GLRB: variants seen among roughly 807,000 people sequenced by gnomAD.
GLRB encodes glycine receptor subunit beta.
In GLRB, 33 loss-of-function variants were observed where a neutral mutation model predicts 54.2. The observed-to-expected ratio is 0.61, with a 90% CI of 0.46 to 0.81. The LOEUF (loss-of-function observed/expected upper bound fraction) is 0.81, where lower values mean the gene tolerates loss of function less well. Ranked by LOEUF, GLRB falls within the 40% of genes least tolerant of loss-of-function variation. The probability of loss-of-function intolerance (pLI) is 0.00; values close to 1 mark genes in which losing one functional copy is unlikely to be tolerated. For missense variants in GLRB, 572 were observed against 584.6 expected (o/e 0.98, Z 0.22); for synonymous variants, 209 against 208.2 (o/e 1.00, Z -0.03).
intron 2 of GLRB, among the ~76,000 whole-genome samples, chr4:157,102,749 G>GAGGAACTCTGAATATTCATGAA (rs1735078399): frequency 6.6e-6 from 1 of 152,176 alleles, no homozygotes; most frequent in African/African-American, 2.4e-5. Context: ...CAGGCTGTGG[G>GAGGAACTCTGAATATTCATGAA]AGGAACTCTG....
chr4:157,128,985 T>C (rs1052098363), intron 4 of GLRB, among the ~76,000 whole-genome samples: 1 of 151,894 alleles, frequency 6.6e-6, no homozygotes, highest in African/African-American at 2.4e-5. Flanking sequence ...TTAAAGATTA[T>C]ATATGTGAGC....
intron 9 of GLRB, among the ~76,000 whole-genome samples, chr4:157,158,633 G>A (rs999478414): frequency 1.3e-5 from 2 of 152,188 alleles, no homozygotes; most frequent in African/African-American, 4.8e-5. Flanking sequence ...TCAAAGATCA[G>A]ATGGTTGTAG....
At chr4:157,138,717 CCT>C (rs774666817) in intron 6 of GLRB, 90 bp from the exon 7 acceptor site, 109 of 717,876 alleles carry the variant, frequency 1.5e-4, no homozygotes, top group Non-Finnish European at 2.2e-4. Context: ...TATTTTCTTT[CCT>C]TTGCTATGTT....
intron 2 of GLRB, among the ~76,000 whole-genome samples, chr4:157,103,070 GA>G (rs986347544): frequency 2.6e-5 from 4 of 151,118 alleles, no homozygotes; most frequent in African/African-American, 9.7e-5. Flanking sequence ...AGAATCCCTT[GA>G]ACCCGGGAGG....
rs143492050 is a variant in GLRB at position 157,147,362 on chromosome 4, T to A, written c.904+3403T>A. 2.0e-3 allele frequency among the ~76,000 whole-genome samples: 309 copies of A among 152,222 alleles called. 2 individuals are homozygous for A. The highest frequency in any genetic ancestry group is 7.2e-3 in the African/African-American group (298 of 41,554). ...ATCAATGACTTTTAGAGCTAAAGAT[T>A]ACCATTAGACTAAAGGAGCTGGGGA... On this transcript the variant is annotated intron_variant, in intron 8 of 9. Coordinates refer to ENST00000264428, the MANE Select transcript of GLRB (RefSeq NM_000824.5).
At position 157,170,907 on chromosome 4, in the gene GLRB, G is replaced by A. The variant is rs1423408599; in HGVS notation, c.*179G>A. The A allele has an allele frequency of 3.7e-6, 2 of 546,236 alleles. No homozygotes were observed. The highest frequency in any genetic ancestry group is 6.5e-6 in the Non-Finnish European group (2 of 309,458). The allele number at this position is 546,236 out of a possible 1,614,324, so 33.8% of individuals were successfully genotyped here. A position where few individuals can be genotyped will look rare whatever the true frequency, so the allele number is the denominator to read the frequency against. On this transcript the variant is annotated 3_prime_UTR_variant, in exon 10 of 10. Transcript: ENST00000264428. ...ATGGCAGCATGATCATGTAATATCT[G>A]TGCTCTAATAACGATGTATATATGT... is the stretch of plus-strand genomic sequence containing the variant.
chr4:157,119,853 T>C (rs983218374), intron 2 of GLRB, among the ~76,000 whole-genome samples: 3 of 151,652 alleles, frequency 2.0e-5, no homozygotes, highest in Non-Finnish European at 2.9e-5. Context: ...GAACTAGAAA[T>C]GCCATTTGAC....
Position 157,120,616 on chromosome 4 carries a change from C to T in GLRB, c.183C>T (p.Asn61=). The part of the protein sequence containing the change: ...VPANSTSNIL[N]RLLVSYDPRI... The stretch of plus-strand genomic sequence containing the variant: ...CCAACTCCACTAGCAATATCTTGAA[C>T]AGGTTATTGGTCAGTTATGATCCCA... The change falls in exon 3 of 10, where the codon AAC becomes AAT. Residue 61 remains asparagine (N), a synonymous_variant. Transcript: ENST00000264428. The T allele has an allele frequency of 1.3e-6, 2 of 1,599,572 alleles. No individual in the cohort carries two copies. Among genetic ancestry groups the T allele is most frequent in the Non-Finnish European group, 1.7e-6 (2 of 1,169,110 alleles).
chr4:157,129,257 A>G (rs1171208690), intron 4 of GLRB, among the ~76,000 whole-genome samples: 1 of 151,816 alleles, frequency 6.6e-6, no homozygotes, highest in Non-Finnish European at 1.5e-5. Context: ...CACTCATAAA[A>G]GAGGTCTGTT....
intron 2 of GLRB, among the ~76,000 whole-genome samples, chr4:157,080,397 G>T (rs558182333): frequency 6.6e-6 from 1 of 152,166 alleles, no homozygotes; most frequent in South Asian, 2.1e-4. Context: ...GATGCTGCTG[G>T]AAGTCTGGCT....
In GLRB at chr4:157,078,032, T is replaced by A. The variant is rs777881883; in HGVS notation, c.8T>A (p.Phe3Tyr). The part of the protein sequence containing the change: MK[F>Y]LLTTAFLILI... ...GAAATTCAAGTTTTCAAGATGAAGT[T>A]TTTATTGACAACTGCCTTTTTAATT... is the stretch of plus-strand genomic sequence containing the variant. The change falls in exon 2 of 10, where the codon TTT becomes TAT. Residue 3 changes from phenylalanine (F) to tyrosine (Y), a missense_variant. By Grantham distance (22) the Phe-to-Tyr change is conservative. Transcript: ENST00000264428. 9.9e-6 allele frequency: 16 copies of A among 1,610,548 alleles called. No individual in the cohort carries two copies. The highest frequency in any genetic ancestry group is 1.4e-5 in the Non-Finnish European group (16 of 1,177,356).
At chr4:157,154,264 G>C (rs985589175) in intron 9 of GLRB, among the ~76,000 whole-genome samples, 1 of 151,954 alleles carries the variant, frequency 6.6e-6, no homozygotes, top group East Asian at 1.9e-4. Context: ...CATATAGTTG[G>C]TGTTTGGTAT....
rs11940897 is a variant in GLRB, at chr4:157,153,206, G to A, written c.1197+196G>A. ...AGAAAACATTCAGAACGTTTAGGTC[G>A]AATACCACTTAAGGAAAAAAGTAAT... On this transcript the variant is annotated intron_variant, in intron 9 of 9. Transcript: ENST00000264428. 0.052 allele frequency among the ~76,000 whole-genome samples: 7,921 copies of A among 152,140 alleles called. 347 individuals carry two copies. Among genetic ancestry groups the A allele is most frequent in the African/African-American group, 0.12 (4,936 of 41,498 alleles).
At chr4:157,156,452 G>T (rs982080081) in intron 9 of GLRB, among the ~76,000 whole-genome samples, 2 of 152,068 alleles carry the variant, frequency 1.3e-5, no homozygotes, top group African/African-American at 4.8e-5. Flanking sequence ...GAGTCTCTAG[G>T]GCTTTCTAGG....
intron 9 of GLRB, among the ~76,000 whole-genome samples, chr4:157,164,350 A>C (rs988623094): frequency 6.6e-6 from 1 of 152,174 alleles, no homozygotes; most frequent in African/African-American, 2.4e-5. Context: ...TGAGAGCCTT[A>C]TGTTATGTGG....
At chr4:157,107,830 T>A (rs1735280397) in intron 2 of GLRB, among the ~76,000 whole-genome samples, 1 of 152,078 alleles carries the variant, frequency 6.6e-6, no homozygotes, top group South Asian at 2.1e-4. Flanking sequence ...AAGACACCAT[T>A]ATTCATAGCT....
At chr4:157,091,920 G>A (rs1199864019) in intron 2 of GLRB, among the ~76,000 whole-genome samples, 1 of 152,058 alleles carries the variant, frequency 6.6e-6, no homozygotes, top group African/African-American at 2.4e-5. Context: ...TCCCAGCTAA[G>A]TCAACTACTC....
chr4:157,081,709 T>A (rs892535214), intron 2 of GLRB, among the ~76,000 whole-genome samples: 1 of 152,176 alleles, frequency 6.6e-6, no homozygotes, highest in Non-Finnish European at 1.5e-5. Context: ...CCCACCCTCT[T>A]CATTGACTCC....
chr4:157,109,953 G>A (rs1045120219), intron 2 of GLRB, among the ~76,000 whole-genome samples: 2 of 151,942 alleles, frequency 1.3e-5, no homozygotes, highest in African/African-American at 2.4e-5. Flanking sequence ...CAGCTTTCTG[G>A]AAGCTCTCTA....
Sources: allele counts gnomAD v4.1 joint callset (sites outside exome capture counted in the v4.1 genomes callset), GRCh38; gene constraint gnomAD v4.1.1; transcripts MANE v1.5; gene names NCBI Gene and HGNC (gene_info 2026-07-23, HGNC 2026-07-21).